ADGRB3: variants seen among roughly 807,000 people sequenced by gnomAD.
ADGRB3 encodes brain-specific angiogenesis inhibitor 3.
A neutral mutation model predicts 193.4 loss-of-function variants in ADGRB3; 37 were observed. The ratio of observed to expected loss-of-function variants is 0.19; its 90% CI spans 0.15 to 0.25. The LOEUF (loss-of-function observed/expected upper bound fraction) is 0.25, where lower values mean the gene tolerates loss of function less well. Ranked by LOEUF, ADGRB3 falls within the 10% of genes least tolerant of loss-of-function variation. The pLI is 1.00. For missense variants in ADGRB3, 1,637 were observed against 1,852.9 expected, an observed-to-expected ratio of 0.88 and a Z score of 2.14; for synonymous variants, 690 against 644.2, an observed-to-expected ratio of 1.07 and a Z score of -1.08.
intron 3 of ADGRB3, among the ~76,000 whole-genome samples, chr6:68,738,656 G>A (rs989336443): frequency 7.2e-5 from 11 of 152,128 alleles, no homozygotes; most frequent in African/African-American, 1.7e-4. Flanking sequence ...CAAAACTGAC[G>A]TTAAGGTTTT....
In ADGRB3 at chr6:69,251,333, C is replaced by A. The variant is rs57068560; in HGVS notation, c.2814+12107C>A. Among the ~76,000 whole-genome samples, 447 of 152,238 alleles carry A rather than the reference C, an allele frequency of 2.9e-3. 1 individual carries two copies. Among genetic ancestry groups the A allele is most frequent in the African/African-American group, 0.01 (421 of 41,532 alleles). ...ATCCCACTCCTCTGAAATGAGCACT[C>A]TCATGGTTTTTCCACTAATCTGTCT... On this transcript the variant is annotated intron_variant, in intron 20 of 31. Transcript: ENST00000370598.
intron 3 of ADGRB3, among the ~76,000 whole-genome samples, chr6:68,853,798 A>G (rs1422725034): frequency 6.6e-6 from 1 of 152,160 alleles, no homozygotes; most frequent in Admixed American, 6.5e-5. Context: ...CACATGTCAA[A>G]TGTATGGTTT....
intron 3 of ADGRB3, among the ~76,000 whole-genome samples, chr6:68,793,135 A>T (rs1398075510): frequency 6.6e-6 from 1 of 152,152 alleles, no homozygotes; most frequent in East Asian, 1.9e-4. Flanking sequence ...TTGCAGGCAC[A>T]TAATTGTAAC....
chr6:68,890,908 A>T (rs1442812679), intron 3 of ADGRB3, among the ~76,000 whole-genome samples: 1 of 152,208 alleles, frequency 6.6e-6, no homozygotes, highest in African/African-American at 2.4e-5. Flanking sequence ...TAACTTGAGG[A>T]TGGAAATGCA....
chr6:69,342,933 G>A (rs1355082659), intron 26 of ADGRB3, among the ~76,000 whole-genome samples: 2 of 151,406 alleles, frequency 1.3e-5, no homozygotes, highest in East Asian at 3.9e-4. Flanking sequence ...CTATTTCTAT[G>A]TATTTTTGAC....
chr6:68,950,365 A>G (rs768375138), intron 6 of ADGRB3, among the ~76,000 whole-genome samples: 1 of 152,218 alleles, frequency 6.6e-6, no homozygotes, highest in Non-Finnish European at 1.5e-5. Flanking sequence ...ACCTGGCTAC[A>G]TATGAGAGAA....
intron 3 of ADGRB3, among the ~76,000 whole-genome samples, chr6:68,892,779 T>C (rs1266889571): frequency 6.6e-6 from 1 of 152,146 alleles, no homozygotes; most frequent in Non-Finnish European, 1.5e-5. Flanking sequence ...GAGAAACTTA[T>C]ATAGACAAAT....
At chr6:68,642,606 A>T (rs544060242) in intron 3 of ADGRB3, among the ~76,000 whole-genome samples, 1 of 152,208 alleles carries the variant, frequency 6.6e-6, no homozygotes, top group Admixed American at 6.5e-5. Context: ...GTACATTTTT[A>T]AAATTTCTTG....
chr6:69,102,144 C>G (rs1472477618), intron 17 of ADGRB3, among the ~76,000 whole-genome samples: 1 of 147,870 alleles, frequency 6.8e-6, no homozygotes, highest in Non-Finnish European at 1.5e-5. Flanking sequence ...CGCCACTGCA[C>G]TCCAGCCTGG....
chr6:68,812,814 T>C (rs1026291142), intron 3 of ADGRB3, among the ~76,000 whole-genome samples: 1 of 151,778 alleles, frequency 6.6e-6, no homozygotes, highest in Non-Finnish European at 1.5e-5. Flanking sequence ...CCTAATGCTA[T>C]CCCTCCCCTA....
chr6:69,326,590 G>T (rs1439823299), intron 21 of ADGRB3, among the ~76,000 whole-genome samples: 12 of 152,054 alleles, frequency 7.9e-5, no homozygotes, highest in Non-Finnish European at 1.8e-4. Flanking sequence ...GAAAGTTTAT[G>T]GGTTGGCAGA....
At chr6:69,182,485 G>C (rs1307979385) in intron 17 of ADGRB3, among the ~76,000 whole-genome samples, 1 of 151,240 alleles carries the variant, frequency 6.6e-6, no homozygotes, top group Non-Finnish European at 1.5e-5. Context: ...AGCTGCATTG[G>C]ATTCTGAATC....
chr6:68,956,043 G>A lies in ADGRB3; in HGVS notation c.1215G>A (p.Glu405=), dbSNP rs1346676638. 3 of 1,613,710 alleles carry A rather than the reference G, an allele frequency of 1.9e-6. No homozygotes were observed. The highest frequency in any genetic ancestry group is 2.5e-6 in the Non-Finnish European group (3 of 1,179,898). The part of the protein sequence containing the change: ...ALCPVDGQWQ[E]WSSWSQCSVT... ...TGGTAGTTGATGGACAGTGGCAAGA[G>A]TGGAGTTCGTGGAGCCAGTGCTCAG... Residue 405 remains glutamate, a synonymous_variant, in exon 7 of 32, where the codon GAG becomes GAA. Coordinates refer to ENST00000370598, the MANE Select transcript of ADGRB3 (RefSeq NM_001704.3).
chr6:69,004,953 TTGTGA>T, intron 11 of ADGRB3, among the ~76,000 whole-genome samples: 1 of 152,216 alleles, frequency 6.6e-6, no homozygotes, highest in East Asian at 1.9e-4. Context: ...GGGTCTAAAC[TTGTGA>T]TGTGTGCAGG....
At chr6:68,706,337 C>T (rs143996954) in intron 3 of ADGRB3, among the ~76,000 whole-genome samples, 2 of 152,244 alleles carry the variant, frequency 1.3e-5, no homozygotes, top group African/African-American at 4.8e-5. Flanking sequence ...ATAAGTACCT[C>T]AATTTGCCAT....
chr6:68,691,858 A>G (rs955660661), intron 3 of ADGRB3, among the ~76,000 whole-genome samples: 5 of 150,586 alleles, frequency 3.3e-5, no homozygotes, highest in African/African-American at 9.7e-5. Flanking sequence ...ATATATATAT[A>G]TATGTATGTA....
At chr6:68,965,931 T>C (rs1431020439) in intron 8 of ADGRB3, among the ~76,000 whole-genome samples, 2 of 152,052 alleles carry the variant, frequency 1.3e-5, no homozygotes, top group Non-Finnish European at 2.9e-5. Context: ...TTAAAACAAA[T>C]CTCTATCTCT....
intron 17 of ADGRB3, among the ~76,000 whole-genome samples, chr6:69,211,247 A>G (rs923397694): frequency 6.6e-6 from 1 of 152,180 alleles, no homozygotes; most frequent in South Asian, 2.1e-4. Flanking sequence ...TCGGCAACCT[A>G]TAGCTGGGTC....
chr6:68,854,561 CT>C (rs142268314), intron 3 of ADGRB3, among the ~76,000 whole-genome samples: 1 of 151,438 alleles, frequency 6.6e-6, no homozygotes, highest in Non-Finnish European at 1.5e-5. Context: ...AAAAGCTTGT[CT>C]TTTTTTTGGA....
Sources: gnomAD v4.1 joint callset for allele counts (sites outside exome capture counted in the v4.1 genomes callset) on GRCh38, gnomAD v4.1.1 for gene constraint, MANE v1.5 for transcripts, NCBI Gene and HGNC (gene_info 2026-07-23, HGNC 2026-07-21) for gene names.